The following SOX13 variants were observed in gnomAD, a reference collection of about 807,000 sequenced individuals.
The protein encoded by SOX13 is SRY-box transcription factor 13.
Under a neutral mutation model 71.8 loss-of-function variants are expected in SOX13, and 28 were observed. The observed-to-expected ratio is 0.39, with a 90% confidence interval of 0.29 to 0.53. The LOEUF (loss-of-function observed/expected upper bound fraction) is 0.53. Ranked by LOEUF, SOX13 falls within the 20% of genes least tolerant of loss-of-function variation. SOX13 has a pLI of 0.70. For missense variants in SOX13, 627 were observed against 810.3 expected (o/e 0.77, Z 2.75); for synonymous variants, 309 against 317.8 (o/e 0.97, Z 0.29).
At position 204,114,343 on chromosome 1, in the gene SOX13, A is replaced by G; in HGVS notation, c.242A>G (p.Asn81Ser). 1.2e-6 allele frequency: 2 copies of G among 1,608,526 alleles called. No individual in the cohort carries two copies. The highest frequency in any genetic ancestry group is 1.7e-6 in the Non-Finnish European group (2 of 1,177,062). ...GSWDCSSPEG[N>S]GSPEPKRPGV... Reference sequence around the variant, plus strand: ...CAGGACTGTAGCTCTCCAGAGGGTAATGGGTCCCCAGAACCCAAGAGACCA... The same window carrying G: ...CAGGACTGTAGCTCTCCAGAGGGTAGTGGGTCCCCAGAACCCAAGAGACCA... Residue 81 changes from asparagine (N) to serine (S), a missense_variant, in exon 3 of 14, where the codon AAT becomes AGT. Physicochemically the swap from Asn to Ser is conservative, Grantham distance 46 (BLOSUM62 1). Around this residue, in one of 3 missense-constraint regions of SOX13, gnomAD observed 447 missense variants for 532.2 expected, o/e 0.84. Coordinates refer to ENST00000367204, the MANE Select transcript of SOX13 (RefSeq NM_005686.3).
intron 1 of SOX13, among the ~76,000 whole-genome samples, chr1:204,097,586 G>T (rs1371703190): frequency 1.3e-5 from 2 of 151,812 alleles, no homozygotes; most frequent in East Asian, 3.9e-4. Flanking sequence ...AGCTACTCGG[G>T]AGGCTGAGGC....
chr1:204,105,673 T>C (rs1365650827), intron 1 of SOX13, among the ~76,000 whole-genome samples: 2 of 152,164 alleles, frequency 1.3e-5, no homozygotes, highest in Non-Finnish European at 2.9e-5. Flanking sequence ...CCCAAAGTGC[T>C]GGGATTACAG....
intron 1 of SOX13, among the ~76,000 whole-genome samples, chr1:204,103,448 C>T (rs546490702): frequency 1.4e-4 from 22 of 152,334 alleles, no homozygotes; most frequent in Non-Finnish European, 2.4e-4. Context: ...CTCAGTAGGA[C>T]GTTCTAGCCC....
chr1:204,113,116 G>A lies in SOX13; in HGVS notation c.201G>A (p.Gly67=), dbSNP rs1392898648. ...CTGACCCCCAAGCTCCAGCCCAGGG[G>A]AATTTCAGGGGCTCCTGGGTCAGTG... The part of the protein sequence containing the change: ...DSADPQAPAQ[G]NFRGSWDCSS... The change falls in exon 2 of 14, where the codon GGG becomes GGA. Residue 67 remains glycine (G), a synonymous_variant. Coordinates refer to ENST00000367204, the MANE Select transcript of SOX13 (RefSeq NM_005686.3). 2 of 1,561,622 alleles carry A rather than the reference G, an allele frequency of 1.3e-6. No individual in the cohort carries two copies. Among genetic ancestry groups the A allele is most frequent in the Non-Finnish European group, 1.7e-6 (2 of 1,153,772 alleles).
chr1:204,111,904 A>G (rs550679110), intron 1 of SOX13, among the ~76,000 whole-genome samples: 5 of 152,144 alleles, frequency 3.3e-5, no homozygotes, highest in African/African-American at 1.2e-4. Flanking sequence ...CCTTATCTCC[A>G]CTGTAAGAAG....
chr1:204,125,766 G>GA, intron 13 of SOX13, 92 bp from the exon 14 acceptor site: 1 of 1,342,044 alleles, frequency 7.5e-7, no homozygotes, highest in Non-Finnish European at 1.0e-6. Flanking sequence ...GTGTGGAGTG[G>GA]GAGTGCATGC....
chr1:204,094,273 C>T (rs1021899352), intron 1 of SOX13, among the ~76,000 whole-genome samples: 2 of 152,188 alleles, frequency 1.3e-5, no homozygotes, highest in Non-Finnish European at 2.9e-5. Flanking sequence ...GCAGAGTTGA[C>T]GCTCAAACTC....
At chr1:204,111,242 C>T (rs182366584) in intron 1 of SOX13, among the ~76,000 whole-genome samples, 46 of 152,342 alleles carry the variant, frequency 3.0e-4, no homozygotes, top group African/African-American at 1.0e-3. Context: ...CTAGTCCTCA[C>T]GGCCATCCTA....
intron 1 of SOX13, among the ~76,000 whole-genome samples, chr1:204,107,912 T>C (rs747970664): frequency 2.0e-5 from 3 of 152,242 alleles, no homozygotes; most frequent in Non-Finnish European, 4.4e-5. Context: ...GACTGACACC[T>C]CTAAGCTGGC....
At chr1:204,117,088 G>A (rs371585545) in intron 5 of SOX13, 34 bp from the exon 6 acceptor site, 30 of 1,609,540 alleles carry the variant, frequency 1.9e-5, no homozygotes, top group African/African-American at 1.5e-4. Flanking sequence ...GCTAATGTCC[G>A]TGACCCCCTC....
At chr1:204,110,644 G>A (rs1479870486) in intron 1 of SOX13, among the ~76,000 whole-genome samples, 2 of 151,960 alleles carry the variant, frequency 1.3e-5, no homozygotes, top group African/African-American at 4.8e-5. Flanking sequence ...AGGGCTGATT[G>A]TATATATTTT....
rs148067691 is a variant in SOX13 at position 204,081,434 on chromosome 1, G to A, written c.-2+7723G>A. Among the ~76,000 whole-genome samples, 3 of 152,370 alleles carry A rather than the reference G, an allele frequency of 2.0e-5. No homozygotes were observed. The highest frequency in any genetic ancestry group is 3.9e-4 in the East Asian group (2 of 5,184). ...TTTGACCAGCGCTAAGAGGGGATGTGGCAGGAAGAGTGGTTGTGCAAATGT... is the reference window on the plus strand; with the variant it reads ...TTTGACCAGCGCTAAGAGGGGATGTAGCAGGAAGAGTGGTTGTGCAAATGT... On this transcript the variant is annotated intron_variant, in intron 1 of 13. Transcript: ENST00000367204. The surrounding 1 kb of genome is among the most constrained non-coding windows in gnomAD (Gnocchi z 4.3).
intron 1 of SOX13, among the ~76,000 whole-genome samples, chr1:204,111,790 C>T (rs868342913): frequency 2.0e-5 from 3 of 148,732 alleles, no homozygotes; most frequent in African/African-American, 7.4e-5. Context: ...AGTGATGTGC[C>T]TTCCTCAGCC....
chr1:204,106,326 C>T (rs1225600375), intron 1 of SOX13, among the ~76,000 whole-genome samples: 2 of 152,108 alleles, frequency 1.3e-5, no homozygotes, highest in African/African-American at 4.8e-5. Context: ...GTCTAATAGT[C>T]CTAACAGTAT....
chr1:204,112,207 G>A (rs1481285307), intron 1 of SOX13, among the ~76,000 whole-genome samples: 1 of 152,204 alleles, frequency 6.6e-6, no homozygotes, highest in Admixed American at 6.5e-5. Flanking sequence ...TTGGGAGGCT[G>A]AGGCGGGCAG....
chr1:204,115,491 TTAAA>T (rs1656670759), intron 4 of SOX13, among the ~76,000 whole-genome samples: 2 of 95,812 alleles, frequency 2.1e-5, no homozygotes, highest in Non-Finnish European at 4.1e-5. Flanking sequence ...TTTTTTTTTT[TTAAA>T]AAAAAAAAAA....
chr1:204,111,272 ATG>A (rs1656575724), intron 1 of SOX13, among the ~76,000 whole-genome samples: 2 of 152,178 alleles, frequency 1.3e-5, no homozygotes, highest in Non-Finnish European at 2.9e-5. Context: ...GACTCTTACC[ATG>A]CTCATTTTAC....
intron 1 of SOX13, among the ~76,000 whole-genome samples, chr1:204,108,422 A>G (rs919898237): frequency 6.6e-6 from 1 of 152,228 alleles, no homozygotes; most frequent in African/African-American, 2.4e-5. Flanking sequence ...ATTAGGACAG[A>G]TGATGGCCTC....
chr1:204,105,492 GC>G (rs774427869), intron 1 of SOX13, among the ~76,000 whole-genome samples: 1 of 149,006 alleles, frequency 6.7e-6, no homozygotes, highest in Non-Finnish European at 1.5e-5. Context: ...TGCAACCTCC[GC>G]CTCCTGGGTT....
Sources: gnomAD v4.1 joint callset for allele counts (sites outside exome capture counted in the v4.1 genomes callset) on GRCh38, gnomAD v4.1.1 for gene constraint, gnomAD v4.1.1 regional missense constraint, Gnocchi (gnomAD v3.1) non-coding constraint, MANE v1.5 for transcripts, NCBI Gene and HGNC (gene_info 2026-07-23, HGNC 2026-07-21) for gene names.